EXTL1: variants seen among roughly 807,000 people sequenced by gnomAD.
EXTL1 encodes exostosin-like 1.
Under a neutral mutation model 64.6 loss-of-function variants are expected in EXTL1, and 43 were observed. The observed-to-expected ratio is 0.67, with a 90% confidence interval of 0.52 to 0.86. The LOEUF (loss-of-function observed/expected upper bound fraction) is 0.86. EXTL1 is among the 40% of genes least tolerant of loss of function. The pLI is 0.00. For synonymous variants in EXTL1, 352 were observed against 360.5 expected (o/e 0.98, Z 0.27); for missense variants, 766 against 879.0 (o/e 0.87, Z 1.62).
intron 1 of EXTL1, among the ~76,000 whole-genome samples, chr1:26,026,611 TA>T (rs980559769): frequency 6.6e-6 from 1 of 152,174 alleles, no homozygotes; most frequent in Non-Finnish European, 1.5e-5. Flanking sequence ...TTTTAATATA[TA>T]ATATTGCTTG....
Position 26,022,756 on chromosome 1 carries a change from G to A in EXTL1, c.110G>A (p.Arg37Lys). 6.2e-7 allele frequency: 1 copy of A among 1,614,094 alleles called. No individual in the cohort carries two copies. Residue 37 changes from arginine to lysine, a missense_variant, in exon 1 of 11, where the codon AGA (arginine) becomes AAA (lysine). Around this residue, in one of 3 missense-constraint regions of EXTL1, gnomAD observed 571 missense variants for 647.6 expected, o/e 0.88. Coordinates refer to ENST00000374280, the MANE Select transcript of EXTL1 (RefSeq NM_004455.3). ...FSLLRLALPP[R>K]PRPGASQGWP... ...CTTCTCCGCCTGGCATTGCCTCCCA[G>A]ACCTCGGCCCGGGGCTTCCCAAGGC...
intron 4 of EXTL1, 90 bp downstream of exon 4, chr1:26,030,685 GAA>G: frequency 7.2e-7 from 1 of 1,388,106 alleles, no homozygotes; most frequent in South Asian, 1.4e-5. Context: ...AGTGTTTGGG[GAA>G]CCCCCCCCCC....
chr1:26,022,618 C>CT lies in EXTL1; in HGVS notation c.-27dup, dbSNP rs78022960. ...CTGCTTGCTGGCAGAGGCCTCCCAG[C>CT]TTCCCTAGCCCTGACTGTGGGTGGC... On this transcript the variant is annotated 5_prime_UTR_variant, in exon 1 of 11. Coordinates refer to ENST00000374280, the MANE Select transcript of EXTL1 (RefSeq NM_004455.3). The CT allele has an allele frequency of 0.19, 290,210 of 1,537,252 alleles. 29,469 individuals carry two copies. The highest frequency in any genetic ancestry group is 0.21 in the Non-Finnish European group (243,471 of 1,142,686).
In EXTL1 at chr1:26,033,792, G is replaced by A. The variant is rs2050311737; in HGVS notation, c.1615G>A (p.Gly539Ser). ...HFWDEAHGGW[G>S]YTAERTNEFS... is the part of the protein sequence containing the mutation. ...CTGGGACGAGGCCCATGGTGGCTGG[G>A]GCTACACTGCTGAGAGGACCAACGA... The change falls in exon 9 of 11, where the codon GGC (glycine) becomes AGC (serine). Residue 539 changes from glycine (G) to serine (S), a missense_variant. Gly to Ser is a moderately conservative substitution (Grantham distance 56). This residue lies in a region of EXTL1 where 194 missense variants were observed against 214.5 expected (regional missense o/e 0.90). Coordinates refer to ENST00000374280, the MANE Select transcript of EXTL1 (RefSeq NM_004455.3). This position sits in a 1 kb window ranked among gnomAD's most constrained non-coding sequence, Gnocchi z 5.1. The A allele has an allele frequency of 1.9e-6, 3 of 1,614,080 alleles. No individual in the cohort carries two copies. The highest frequency in any genetic ancestry group is 1.3e-5 in the African/African-American group (1 of 75,030).
chr1:26,026,093 G>C (rs1480755868), intron 1 of EXTL1, among the ~76,000 whole-genome samples: 1 of 151,836 alleles, frequency 6.6e-6, no homozygotes, highest in East Asian at 2.0e-4. Flanking sequence ...ACAAACATTA[G>C]CTGGGTGTGG....
chr1:26,031,139 A>G lies in EXTL1; in HGVS notation c.1109A>G (p.Gln370Arg), dbSNP rs1234705961. ...GCTTCTCTCTCATTTTAGGTTATTC[A>G]GGACCGGATTTTTGGAACATCAGCT... ...KVIHTTLEVI[Q>R]DRIFGTSAHP... The change falls in exon 5 of 11, where the codon CAG becomes CGG. Residue 370 changes from glutamine to arginine, a missense_variant. Gln to Arg is a conservative substitution (Grantham distance 43). Transcript: ENST00000374280. 1 of 1,614,040 alleles carries G rather than the reference A, an allele frequency of 6.2e-7. No homozygotes were observed. The highest frequency in any genetic ancestry group is 8.5e-7 in the Non-Finnish European group (1 of 1,179,976).
At chr1:26,028,256 C>A (rs1040468148) in intron 1 of EXTL1, among the ~76,000 whole-genome samples, 1 of 152,232 alleles carries the variant, frequency 6.6e-6, no homozygotes, top group African/African-American at 2.4e-5. Flanking sequence ...CTCCACTCAA[C>A]CCTATCTGTG....
intron 1 of EXTL1, 91 bp from the exon 2 acceptor site, chr1:26,029,102 G>C: frequency 1.2e-6 from 1 of 846,190 alleles, no homozygotes; most frequent in East Asian, 2.5e-5. Flanking sequence ...TGGGGTGCAG[G>C]GGTGTGGGGT....
In EXTL1 at chr1:26,031,441, C is replaced by A; in HGVS notation, c.1235-19C>A. On this transcript the variant is annotated intron_variant, in intron 5 of 10. Coordinates refer to ENST00000374280, the MANE Select transcript of EXTL1 (RefSeq NM_004455.3). ...TTCTGTTCCCTCCCACTCTAATAGC[C>A]TGTGTCTCATTCCCCCAGGCTCCCG... 6.7e-7 allele frequency: 1 copy of A among 1,489,958 alleles called. No homozygotes were observed. Among genetic ancestry groups the A allele is most frequent in the Non-Finnish European group, 9.1e-7 (1 of 1,093,106 alleles). The allele number at this position is 1,489,958 out of a possible 1,614,324, so 92.3% of individuals were successfully genotyped here.
In EXTL1 at chr1:26,033,962, A is replaced by C; in HGVS notation, c.1679+106A>C. Reference sequence around the variant, plus strand: ...CCTAGACCCCAGGGATCCAGGTTCAAGGCCGAGATCTGCCACTTCCCAGCT... The same window carrying C: ...CCTAGACCCCAGGGATCCAGGTTCACGGCCGAGATCTGCCACTTCCCAGCT... On this transcript the variant is annotated intron_variant, in intron 9 of 10. Coordinates refer to ENST00000374280, the MANE Select transcript of EXTL1 (RefSeq NM_004455.3). This position sits in a 1 kb window ranked among gnomAD's most constrained non-coding sequence, Gnocchi z 5.1. 1 of 1,054,172 alleles carries C rather than the reference A, an allele frequency of 9.5e-7. No homozygotes were observed. Among genetic ancestry groups the C allele is most frequent in the Non-Finnish European group, 1.3e-6 (1 of 767,210 alleles). The allele number at this position is 1,054,172 out of a possible 1,614,324, so 65.3% of individuals were successfully genotyped here. A position where few individuals can be genotyped will look rare whatever the true frequency, so the allele number is the denominator to read the frequency against.
At chr1:26,027,482 TG>T (rs1486256334) in intron 1 of EXTL1, among the ~76,000 whole-genome samples, 1 of 150,356 alleles carries the variant, frequency 6.7e-6, no homozygotes, top group Non-Finnish European at 1.5e-5. Flanking sequence ...CACTGGGAGG[TG>T]GGAGTAGAGA....
In EXTL1 at chr1:26,031,465, C is replaced by CG; in HGVS notation, c.1241dup (p.Glu416Ter). 1 of 1,565,794 alleles carries CG rather than the reference C, an allele frequency of 6.4e-7. No individual in the cohort carries two copies. The highest frequency in any genetic ancestry group is 8.7e-7 in the Non-Finnish European group (1 of 1,152,078). On this transcript the variant is annotated frameshift_variant, in exon 6 of 11. Transcript: ENST00000374280. LOFTEE classifies it high-confidence loss of function. Reference sequence around the variant, plus strand: ...CCTGTGTCTCATTCCCCCAGGCTCCCGCCCTGAGGGCAGATTCAGCGCCCT... The same window carrying CG: ...CCTGTGTCTCATTCCCCCAGGCTCCCGGCCCTGAGGGCAGATTCAGCGCCCT...
intron 4 of EXTL1, 118 bp from the exon 5 acceptor site, chr1:26,031,014 C>T: frequency 7.8e-7 from 1 of 1,285,782 alleles, no homozygotes; most frequent in African/African-American, 1.5e-5. Flanking sequence ...ACTCTAGACT[C>T]AGCTTCTGAC....
chr1:26,030,557 T>C lies in EXTL1; in HGVS notation c.1063T>C (p.Phe355Leu), dbSNP rs1454287861. 6.2e-7 allele frequency: 1 copy of C among 1,613,702 alleles called. No individual in the cohort carries two copies. Among genetic ancestry groups the C allele is most frequent in the African/African-American group, 1.3e-5 (1 of 74,932 alleles). ...QQTQFLWDAY[F>L]SSVEKVIHTT... ...GACCCAGTTTCTATGGGATGCCTAC[T>C]TCTCCTCAGTGGAGAAGGTCATCCA... Residue 355 changes from phenylalanine (F) to leucine (L), a missense_variant, in exon 4 of 11, where the codon TTC becomes CTC. Phe to Leu is a conservative substitution (Grantham distance 22, BLOSUM62 0). Transcript: ENST00000374280.
rs138251019 is a variant in EXTL1 at position 26,035,309 on chromosome 1, G to A, written c.1993G>A (p.Val665Met). 5.3e-5 allele frequency: 85 copies of A among 1,612,658 alleles called. No homozygotes were observed. Among genetic ancestry groups the A allele is most frequent in the East Asian group, 8.9e-5 (4 of 44,850 alleles). Residue 665 changes from valine (V) to methionine (M), a missense_variant, in exon 11 of 11, where the codon GTG (valine) becomes ATG (methionine). This residue lies in a region of EXTL1 where 194 missense variants were observed against 214.5 expected (regional missense o/e 0.90). Coordinates refer to ENST00000374280, the MANE Select transcript of EXTL1 (RefSeq NM_004455.3). This position sits in a 1 kb window ranked among gnomAD's most constrained non-coding sequence, Gnocchi z 5.3. The part of the protein sequence containing the change: ...DPVLFKDPVS[V>M]QRKKYRSLEK... ...GGTGCTGTTTAAGGACCCGGTGTCC[G>A]TGCAGCGCAAGAAGTACCGCAGCCT... is the stretch of plus-strand genomic sequence containing the variant.
At chr1:26,031,104 G>T in intron 4 of EXTL1, 28 bp from the exon 5 acceptor site, 1 of 1,613,762 alleles carries the variant, frequency 6.2e-7, no homozygotes, top group Non-Finnish European at 8.5e-7. Flanking sequence ...CAGGCCACTC[G>T]CTCTGCTCAG....
chr1:26,034,965 G>A lies in EXTL1; in HGVS notation c.1809G>A (p.Lys603=), dbSNP rs1334786328. Residue 603 remains lysine, a synonymous_variant, in exon 10 of 11, where the codon AAG becomes AAA. Coordinates refer to ENST00000374280, the MANE Select transcript of EXTL1 (RefSeq NM_004455.3). This position sits in a 1 kb window ranked among gnomAD's most constrained non-coding sequence, Gnocchi z 4.6. ...VAAVTKLPPI[K]VPYGKQRQEA... Reference sequence around the variant, plus strand: ...CAGTCACCAAGCTGCCCCCTATCAAGGTGCCCTATGGCAAGCAGCGCCAGG... The same window carrying A: ...CAGTCACCAAGCTGCCCCCTATCAAAGTGCCCTATGGCAAGCAGCGCCAGG... 6.2e-7 allele frequency: 1 copy of A among 1,614,218 alleles called. No individual in the cohort carries two copies. Among genetic ancestry groups the A allele is most frequent in the Non-Finnish European group, 8.5e-7 (1 of 1,180,046 alleles).
At chr1:26,027,689 T>TAA (rs61364586) in intron 1 of EXTL1, among the ~76,000 whole-genome samples, 2,829 of 57,056 alleles carry the variant, frequency 0.05, 219 homozygotes, top group African/African-American at 0.17. Context: ...ACCCCATCTC[T>TAA]AAAAAAAAAA....
At chr1:26,024,933 G>T (rs2050198763) in intron 1 of EXTL1, among the ~76,000 whole-genome samples, 1 of 152,238 alleles carries the variant, frequency 6.6e-6, no homozygotes, top group African/African-American at 2.4e-5. Context: ...GCAGGTAGGT[G>T]CTCATTAAAT....
Sources: gnomAD v4.1 joint callset for allele counts (sites outside exome capture counted in the v4.1 genomes callset) on GRCh38, gnomAD v4.1.1 for gene constraint, gnomAD v4.1.1 regional missense constraint, Gnocchi (gnomAD v3.1) non-coding constraint, MANE v1.5 for transcripts, NCBI Gene and HGNC (gene_info 2026-07-23, HGNC 2026-07-21) for gene names.